The following TAFA5 variants were observed in gnomAD, a reference collection of about 807,000 sequenced individuals.
The protein encoded by TAFA5 is TAFA chemokine like family member 5, also known as chemokine-like protein TAFA-5.
TAFA5 carries 6 observed loss-of-function variants against 15.3 expected under a neutral mutation model. The ratio of observed to expected loss-of-function variants is 0.39; its 90% CI spans 0.21 to 0.77. The LOEUF is 0.77. Among genes scored for constraint, TAFA5 ranks in the 30% least tolerant of loss-of-function variants. The pLI is 0.41. For missense variants in TAFA5, 161 were observed against 193.1 expected, an observed-to-expected ratio of 0.83 and a Z score of 0.98; for synonymous variants, 103 against 80.7, an observed-to-expected ratio of 1.28 and a Z score of -1.48.
chr22:48,520,947 C>G (rs1243743811), intron 1 of TAFA5, among the ~76,000 whole-genome samples: 1 of 152,178 alleles, frequency 6.6e-6, no homozygotes, highest in Non-Finnish European at 1.5e-5. Context: ...GACCTGTCCC[C>G]ACCGTAAGCA....
At chr22:48,600,155 A>C (rs1486294027) in intron 1 of TAFA5, among the ~76,000 whole-genome samples, 1 of 152,102 alleles carries the variant, frequency 6.6e-6, no homozygotes, top group Non-Finnish European at 1.5e-5. Context: ...ATTCGCTGTC[A>C]CAGCCGAGAT....
chr22:48,622,415 C>A (rs1279004134), intron 1 of TAFA5, among the ~76,000 whole-genome samples: 1 of 152,198 alleles, frequency 6.6e-6, no homozygotes, highest in Non-Finnish European at 1.5e-5. Flanking sequence ...AGGCTCCATT[C>A]CAGACACTTG....
rs904887277 is a variant in TAFA5 at position 48,742,675 on chromosome 22, C to T, written c.391-7164C>T. ...TGGTGGACCAGGCAACGTGGTAGAC[C>T]GGGCAGTGTGATGGACCAGGCGACG... On this transcript the variant is annotated intron_variant, in intron 3 of 3. Coordinates refer to ENST00000402357, the MANE Select transcript of TAFA5 (RefSeq NM_001082967.3). The surrounding 1 kb of genome is among the most constrained non-coding windows in gnomAD (Gnocchi z 6.2). Among the ~76,000 whole-genome samples, 3 of 151,506 alleles carry T rather than the reference C, an allele frequency of 2.0e-5. No individual in the cohort carries two copies. The highest frequency in any genetic ancestry group is 2.9e-5 in the Non-Finnish European group (2 of 67,902).
chr22:48,642,823 TGTGTGTGCATGCACAC>T (rs1044605296), intron 1 of TAFA5, among the ~76,000 whole-genome samples: 2 of 151,982 alleles, frequency 1.3e-5, no homozygotes, highest in African/African-American at 2.4e-5. Context: ...ACGTGTGTGG[TGTGTGTGCATGCACAC>T]GTGTGTGTGA....
At chr22:48,622,457 C>T (rs1281357584) in intron 1 of TAFA5, among the ~76,000 whole-genome samples, 1 of 152,214 alleles carries the variant, frequency 6.6e-6, no homozygotes, top group Non-Finnish European at 1.5e-5. Flanking sequence ...AGCTCCACTA[C>T]AGCACGGGGC....
chr22:48,494,836 A>G (rs9615910), intron 1 of TAFA5, among the ~76,000 whole-genome samples: 9,788 of 152,272 alleles, frequency 0.064, 423 homozygotes, highest in Middle Eastern at 0.088. Context: ...CTGGGCGACT[A>G]TTCTCGTCTC....
intron 1 of TAFA5, among the ~76,000 whole-genome samples, chr22:48,608,429 GT>G (rs375017205): frequency 6.7e-5 from 10 of 149,636 alleles, no homozygotes; most frequent in East Asian, 3.9e-4. Context: ...GATACTGTTG[GT>G]TTTTTTTTTC....
intron 2 of TAFA5, among the ~76,000 whole-genome samples, chr22:48,702,142 C>T (rs28698379): frequency 1.8e-4 from 26 of 145,214 alleles, no homozygotes; most frequent in African/African-American, 5.5e-4. Flanking sequence ...TGTGTGTGTG[C>T]GTGTGTGCGT....
intron 2 of TAFA5, among the ~76,000 whole-genome samples, chr22:48,672,471 T>C (rs142225775): frequency 6.6e-5 from 10 of 152,320 alleles, no homozygotes; most frequent in African/African-American, 1.9e-4. Context: ...AAAAAATGGG[T>C]GAGATTGAAG....
intron 3 of TAFA5, among the ~76,000 whole-genome samples, chr22:48,727,821 T>C (rs1569096336): frequency 1.3e-5 from 2 of 152,376 alleles, no homozygotes; most frequent in South Asian, 4.1e-4. Flanking sequence ...TTGTCATATA[T>C]TGATACATTT....
chr22:48,719,013 C>T (rs13057317), intron 3 of TAFA5, among the ~76,000 whole-genome samples: 41,274 of 152,240 alleles, frequency 0.27, 5,879 homozygotes, highest in Admixed American at 0.36. Context: ...GGGTCAGCTC[C>T]GCCTTGAGGA....
At chr22:48,613,463 C>A (rs972410039) in intron 1 of TAFA5, among the ~76,000 whole-genome samples, 3 of 152,206 alleles carry the variant, frequency 2.0e-5, no homozygotes, top group Non-Finnish European at 4.4e-5. Context: ...CCATCTCCCC[C>A]ACTCTGTTTG....
At chr22:48,563,006 C>T (rs1308530501) in intron 1 of TAFA5, among the ~76,000 whole-genome samples, 5 of 152,250 alleles carry the variant, frequency 3.3e-5, no homozygotes, top group Admixed American at 3.3e-4. Context: ...GCATCTCCCA[C>T]ACCAGAGCTG....
intron 1 of TAFA5, among the ~76,000 whole-genome samples, chr22:48,627,100 A>G (rs1184880920): frequency 6.6e-6 from 1 of 152,200 alleles, no homozygotes; most frequent in Non-Finnish European, 1.5e-5. Context: ...CGGGATACAC[A>G]CCAAGGCCAG....
At chr22:48,721,039 C>T (rs1601697418) in intron 3 of TAFA5, among the ~76,000 whole-genome samples, 1 of 152,230 alleles carries the variant, frequency 6.6e-6, no homozygotes, top group Non-Finnish European at 1.5e-5. Flanking sequence ...CCACTGTCCC[C>T]TGCTGGGCCA....
chr22:48,643,013 G>T lies in TAFA5; in HGVS notation c.113-3584G>T, dbSNP rs187653853. On this transcript the variant is annotated intron_variant, in intron 1 of 3. Transcript: ENST00000402357. ...GCTAAGTGTTCTCATTTGGGGAATGGGACCCTGGGGTTGGGGTGAGTCCTG... is the reference window on the plus strand; with the variant it reads ...GCTAAGTGTTCTCATTTGGGGAATGTGACCCTGGGGTTGGGGTGAGTCCTG... 9.5e-4 allele frequency among the ~76,000 whole-genome samples: 145 copies of T among 152,308 alleles called. 2 individuals are homozygous for T. The highest frequency in any genetic ancestry group is 7.6e-3 in the Admixed American group (117 of 15,310).
intron 1 of TAFA5, among the ~76,000 whole-genome samples, chr22:48,547,727 G>A (rs1424014476): frequency 1.3e-5 from 2 of 152,196 alleles, no homozygotes; most frequent in Non-Finnish European, 2.9e-5. Flanking sequence ...TTGGGAGCGT[G>A]TTAGGAATGT....
chr22:48,638,438 C>G (rs79310561), intron 1 of TAFA5, among the ~76,000 whole-genome samples: 657 of 57,198 alleles, frequency 0.011, 5 homozygotes, highest in Admixed American at 0.028. Context: ...ACACAGGCAG[C>G]ACCCCTCCCC....
intron 2 of TAFA5, among the ~76,000 whole-genome samples, chr22:48,653,564 A>T (rs911907304): frequency 3.3e-5 from 5 of 152,140 alleles, no homozygotes; most frequent in African/African-American, 1.2e-4. Context: ...AAGGCCAAGC[A>T]CTTTGCTTCA....
Sources: gnomAD v4.1 joint callset for allele counts (sites outside exome capture counted in the v4.1 genomes callset) on GRCh38, gnomAD v4.1.1 for gene constraint, Gnocchi (gnomAD v3.1) non-coding constraint, MANE v1.5 for transcripts, NCBI Gene and HGNC (gene_info 2026-07-23, HGNC 2026-07-21) for gene names.